Variants in TRPM3 observed in about 807,000 individuals in gnomAD.
The protein encoded by TRPM3 is transient receptor potential cation channel subfamily M member 3, also known as long transient receptor potential channel 3.
In TRPM3, 77 loss-of-function variants were observed where a neutral mutation model predicts 181.2. That is an observed-to-expected ratio of 0.42 (90% CI 0.35 to 0.51). The LOEUF is 0.51. Ranked by LOEUF, TRPM3 falls within the 20% of genes least tolerant of loss-of-function variation. The pLI is 0.01. For synonymous variants in TRPM3, 745 were observed against 796.4 expected (o/e 0.94, Z 1.09); for missense variants, 1,759 against 2,196.7 (o/e 0.80, Z 3.98).
At chr9:70,883,550 T>C (rs918360746) in intron 1 of TRPM3, among the ~76,000 whole-genome samples, 61 of 152,228 alleles carry the variant, frequency 4.0e-4, no homozygotes, top group African/African-American at 1.4e-3. Context: ...AAGTGGTCTC[T>C]GATGCTTTTC....
intron 1 of TRPM3, among the ~76,000 whole-genome samples, chr9:71,189,428 A>AT (rs1405126841): frequency 1.3e-5 from 2 of 151,898 alleles, no homozygotes; most frequent in African/African-American, 4.8e-5. Context: ...ACACACGTGC[A>AT]TATACACCCA....
At chr9:71,112,893 T>G (rs148279915) in intron 1 of TRPM3, among the ~76,000 whole-genome samples, 1 of 152,118 alleles carries the variant, frequency 6.6e-6, no homozygotes, top group Admixed American at 6.6e-5. Flanking sequence ...CAGGGTTAGC[T>G]AGGAGAAGGT....
At chr9:70,605,155 C>T (rs931919392) in intron 19 of TRPM3, among the ~76,000 whole-genome samples, 2 of 151,832 alleles carry the variant, frequency 1.3e-5, no homozygotes, top group Admixed American at 6.6e-5. Flanking sequence ...GAGGTTTCAT[C>T]ATGTTGGCCA....
intron 1 of TRPM3, among the ~76,000 whole-genome samples, chr9:71,172,119 T>C (rs2076895331): frequency 6.6e-6 from 1 of 151,984 alleles, no homozygotes; most frequent in Non-Finnish European, 1.5e-5. Flanking sequence ...CCAGGCTGAT[T>C]TCAAACCCTG....
intron 1 of TRPM3, among the ~76,000 whole-genome samples, chr9:71,199,525 C>A (rs2131718419): frequency 6.6e-6 from 1 of 152,160 alleles, no homozygotes; most frequent in South Asian, 2.1e-4. Context: ...GGTTGGTAAG[C>A]TATTGATTAT....
At chr9:70,664,668 T>TTTTTA in intron 9 of TRPM3, among the ~76,000 whole-genome samples, 1 of 107,056 alleles carries the variant, frequency 9.3e-6, no homozygotes, top group African/African-American at 3.2e-5. Context: ...TTTTTTTTTT[T>TTTTTA]GAGACTGAGT....
At chr9:71,165,330 A>G (rs920762288) in intron 1 of TRPM3, among the ~76,000 whole-genome samples, 7 of 152,140 alleles carry the variant, frequency 4.6e-5, no homozygotes, top group South Asian at 4.1e-4. Context: ...GTGTTTGCTT[A>G]TTATTACTGC....
At chr9:71,172,168 C>T (rs1184054833) in intron 1 of TRPM3, among the ~76,000 whole-genome samples, 1 of 150,020 alleles carries the variant, frequency 6.7e-6, no homozygotes, top group African/African-American at 2.5e-5. Context: ...CCCCTAAGTG[C>T]TGGGATTACA....
At chr9:70,585,905 G>A (rs1205870181) in intron 22 of TRPM3, among the ~76,000 whole-genome samples, 1 of 152,100 alleles carries the variant, frequency 6.6e-6, no homozygotes, top group East Asian at 1.9e-4. Flanking sequence ...TACCCCGTCT[G>A]TCTCCTCAGA....
chr9:71,154,524 T>C (rs544993045), intron 1 of TRPM3, among the ~76,000 whole-genome samples: 9 of 152,176 alleles, frequency 5.9e-5, no homozygotes, highest in Admixed American at 2.0e-4. Flanking sequence ...CAAAATATAT[T>C]TGGGTAGACT....
chr9:71,117,303 C>T (rs1417539537), intron 1 of TRPM3, among the ~76,000 whole-genome samples: 3 of 151,978 alleles, frequency 2.0e-5, no homozygotes, highest in Non-Finnish European at 4.4e-5. Flanking sequence ...CCTCTCCCTC[C>T]CCCCTAGTTT....
intron 1 of TRPM3, among the ~76,000 whole-genome samples, chr9:71,211,093 C>A (rs982369589): frequency 4.6e-5 from 7 of 152,150 alleles, no homozygotes. Flanking sequence ...CATTCCCTGG[C>A]AGACTTTTCC....
At chr9:70,919,615 C>G (rs2096634672) in intron 1 of TRPM3, among the ~76,000 whole-genome samples, 1 of 152,026 alleles carries the variant, frequency 6.6e-6, no homozygotes, top group Non-Finnish European at 1.5e-5. Context: ...GAAACCCTGT[C>G]TCTATTAAAA....
At chr9:71,368,641 G>A (rs2092415507) in intron 1 of TRPM3, among the ~76,000 whole-genome samples, 1 of 152,128 alleles carries the variant, frequency 6.6e-6, no homozygotes, top group African/African-American at 2.4e-5. Context: ...TAATAGAGTT[G>A]CATGTAACAG....
In TRPM3 at chr9:70,537,181, C is replaced by T. The variant is rs2041992154; in HGVS notation, c.3932G>A (p.Ser1311Asn). ...GTTCCCTTCCTGGCTGTTGAAGCTG[C>T]TCTGACGGACAATGTAGGCGGCGTC... ...CTDAAYIVRQSSFNSQEGNTF... is the reference protein window; with the variant it reads ...CTDAAYIVRQNSFNSQEGNTF... Residue 1311 changes from serine (S) to asparagine (N), a missense_variant, in exon 26 of 26, where the codon AGC becomes AAC. Transcript: ENST00000677713. 2 of 1,592,038 alleles carry T rather than the reference C, an allele frequency of 1.3e-6. No homozygotes were observed. Among genetic ancestry groups the T allele is most frequent in the African/African-American group, 1.3e-5 (1 of 74,420 alleles).
chr9:71,129,688 T>C (rs751672179), intron 1 of TRPM3, among the ~76,000 whole-genome samples: 4 of 152,174 alleles, frequency 2.6e-5, no homozygotes, highest in Non-Finnish European at 4.4e-5. Flanking sequence ...TAAATAAAAA[T>C]ATTTATATAG....
intron 1 of TRPM3, among the ~76,000 whole-genome samples, chr9:71,157,182 A>T (rs1565285735): frequency 6.6e-6 from 1 of 152,158 alleles, no homozygotes; most frequent in Non-Finnish European, 1.5e-5. Context: ...CATTATCAAC[A>T]AAAAGCATAA....
intron 1 of TRPM3, among the ~76,000 whole-genome samples, chr9:71,098,954 C>T (rs1031032196): frequency 1.3e-5 from 2 of 152,126 alleles, no homozygotes; most frequent in South Asian, 2.1e-4. Flanking sequence ...AGTATGGTGT[C>T]ATTGCCAGAC....
At chr9:70,798,070 C>A (rs1354538927) in intron 6 of TRPM3, among the ~76,000 whole-genome samples, 1 of 152,108 alleles carries the variant, frequency 6.6e-6, no homozygotes, top group African/African-American at 2.4e-5. Context: ...TTCTTTATAT[C>A]TTGAGATAGG....
Sources: gnomAD v4.1 joint callset for allele counts (sites outside exome capture counted in the v4.1 genomes callset) on GRCh38, gnomAD v4.1.1 for gene constraint, MANE v1.5 for transcripts, NCBI Gene and HGNC (gene_info 2026-07-23, HGNC 2026-07-21) for gene names.